Variants in ME3 observed in about 807,000 individuals in gnomAD.
ME3 encodes malic enzyme 3.
ME3 carries 48 observed loss-of-function variants against 68.9 expected under a neutral mutation model. The observed-to-expected ratio is 0.70, with a 90% CI of 0.55 to 0.89. The LOEUF is 0.89. ME3 is among the 40% of genes least tolerant of loss of function. The probability of loss-of-function intolerance (pLI) is 0.00; values close to 1 mark genes in which losing one functional copy is unlikely to be tolerated. For synonymous variants in ME3, 320 were observed against 318.8 expected, an observed-to-expected ratio of 1.00 and a Z score of -0.04; for missense variants, 675 against 797.4, an observed-to-expected ratio of 0.85 and a Z score of 1.85.
chr11:86,544,415 A>G (rs1956239428), intron 4 of ME3, among the ~76,000 whole-genome samples: 1 of 152,208 alleles, frequency 6.6e-6, no homozygotes, highest in African/African-American at 2.4e-5. Context: ...TAGCCAGACT[A>G]ATAAAGAAGA....
intron 2 of ME3, among the ~76,000 whole-genome samples, chr11:86,571,639 G>A (rs1224284254): frequency 5.9e-5 from 9 of 152,102 alleles, no homozygotes; most frequent in Admixed American, 5.2e-4. Flanking sequence ...TTTCCCACAT[G>A]GCGGATCACT....
At chr11:86,592,953 A>C (rs531757988) in intron 2 of ME3, among the ~76,000 whole-genome samples, 1 of 152,316 alleles carries the variant, frequency 6.6e-6, no homozygotes, top group South Asian at 2.1e-4. Flanking sequence ...ACTGTGAGCC[A>C]GTTATTTAAC....
chr11:86,620,790 T>A (rs1373745143), intron 2 of ME3, among the ~76,000 whole-genome samples: 2 of 152,178 alleles, frequency 1.3e-5, no homozygotes, highest in Non-Finnish European at 2.9e-5. Context: ...TCATACATCT[T>A]TTTTTGATCA....
chr11:86,452,286 T>A (rs1467102919), intron 8 of ME3, among the ~76,000 whole-genome samples: 16 of 152,170 alleles, frequency 1.1e-4, no homozygotes, highest in Admixed American at 1.0e-3. Context: ...CTGGGGCTCT[T>A]CATGCCACTA....
chr11:86,531,781 A>G (rs1335329695), intron 4 of ME3, among the ~76,000 whole-genome samples: 1 of 138,844 alleles, frequency 7.2e-6, no homozygotes, highest in Non-Finnish European at 1.5e-5. Context: ...AACAATGAGA[A>G]CACATGGACA....
intron 2 of ME3, among the ~76,000 whole-genome samples, chr11:86,634,094 G>A (rs1944183949): frequency 6.6e-6 from 1 of 152,020 alleles, no homozygotes; most frequent in African/African-American, 2.4e-5. Context: ...CCTACAAACA[G>A]CCATTTTGGG....
intron 4 of ME3, among the ~76,000 whole-genome samples, chr11:86,521,292 G>A (rs532306665): frequency 6.4e-4 from 97 of 152,192 alleles, no homozygotes; most frequent in African/African-American, 2.3e-3. Flanking sequence ...CTACTTCAGA[G>A]GCTGAGGCAG....
intron 4 of ME3, among the ~76,000 whole-genome samples, chr11:86,510,780 C>T (rs923359088): frequency 5.3e-5 from 8 of 152,210 alleles, no homozygotes; most frequent in African/African-American, 1.9e-4. Context: ...TGCACTAGAC[C>T]TTTTATTTAA....
intron 7 of ME3, among the ~76,000 whole-genome samples, chr11:86,470,949 T>C (rs1950746618): frequency 6.6e-6 from 1 of 151,306 alleles, no homozygotes; most frequent in Non-Finnish European, 1.5e-5. Context: ...CCTTAGGTAG[T>C]GTTCATTTTG....
chr11:86,491,363 C>T (rs977262406), intron 6 of ME3, among the ~76,000 whole-genome samples: 5 of 152,200 alleles, frequency 3.3e-5, no homozygotes. Flanking sequence ...GGGGCAGCTC[C>T]TCACCCTCTG....
chr11:86,474,960 T>A (rs537222692), intron 7 of ME3, among the ~76,000 whole-genome samples: 26 of 152,386 alleles, frequency 1.7e-4, no homozygotes, highest in Admixed American at 1.6e-3. Flanking sequence ...AATGGATGGA[T>A]GAATACATGA....
At chr11:86,544,702 G>C (rs888328510) in intron 4 of ME3, among the ~76,000 whole-genome samples, 4 of 152,140 alleles carry the variant, frequency 2.6e-5, no homozygotes, top group African/African-American at 9.7e-5. Flanking sequence ...GGACCAGACG[G>C]ATTCATAGCC....
intron 4 of ME3, among the ~76,000 whole-genome samples, chr11:86,543,861 A>T (rs1182729087): frequency 2.0e-5 from 3 of 152,198 alleles, no homozygotes; most frequent in African/African-American, 7.2e-5. Flanking sequence ...CATTCTTCTC[A>T]GCACCACATC....
At chr11:86,657,410 T>C (rs1056459764) in intron 2 of ME3, among the ~76,000 whole-genome samples, 2 of 145,230 alleles carry the variant, frequency 1.4e-5, no homozygotes, top group African/African-American at 5.2e-5. Flanking sequence ...TAAGTGGGAG[T>C]TGAACAATGA....
intron 5 of ME3, among the ~76,000 whole-genome samples, chr11:86,508,383 A>T (rs1953240122): frequency 6.6e-6 from 1 of 152,200 alleles, no homozygotes; most frequent in Non-Finnish European, 1.5e-5. Flanking sequence ...CTTTTCGTGT[A>T]CTTTATTTAT....
chr11:86,532,928 T>A (rs1293937799), intron 4 of ME3, among the ~76,000 whole-genome samples: 1 of 152,224 alleles, frequency 6.6e-6, no homozygotes, highest in East Asian at 1.9e-4. Flanking sequence ...TTCAGGCGAC[T>A]GTAATCCTGG....
intron 4 of ME3, among the ~76,000 whole-genome samples, chr11:86,522,996 C>T (rs533468136): frequency 4.6e-5 from 7 of 152,162 alleles, no homozygotes; most frequent in Admixed American, 6.5e-5. Flanking sequence ...TTATATATCA[C>T]CCACAGTCTT....
At chr11:86,525,877 A>AAAT (rs1225788663) in intron 4 of ME3, among the ~76,000 whole-genome samples, 1 of 151,882 alleles carries the variant, frequency 6.6e-6, no homozygotes, top group African/African-American at 2.4e-5. Flanking sequence ...AAAAAAAAAA[A>AAAT]AAGGAGAGGG....
At chr11:86,671,991 C>T in intron 1 of ME3, 33 bp from the exon 2 acceptor site, 1 of 1,356,808 alleles carries the variant, frequency 7.4e-7, no homozygotes, top group Non-Finnish European at 9.4e-7. Context: ...GTCAGGGCCT[C>T]CTTCCAGCCA....
Sources: allele counts gnomAD v4.1 joint callset (sites outside exome capture counted in the v4.1 genomes callset), GRCh38; gene constraint gnomAD v4.1.1; transcripts MANE v1.5; gene names NCBI Gene and HGNC (gene_info 2026-07-23, HGNC 2026-07-21).